IL21R: variants seen among roughly 807,000 people sequenced by gnomAD.
IL21R encodes the protein interleukin 21 receptor, also known as interleukin-21 receptor.
Under a neutral mutation model 41.3 loss-of-function variants are expected in IL21R, and 14 were observed. The ratio of observed to expected loss-of-function variants is 0.34; its 90% CI spans 0.22 to 0.53. The LOEUF (loss-of-function observed/expected upper bound fraction) is 0.53, where lower values mean the gene tolerates loss of function less well. Among genes scored for constraint, IL21R ranks in the 20% least tolerant of loss-of-function variants. The probability of loss-of-function intolerance (pLI) is 0.94; values close to 1 mark genes in which losing one functional copy is unlikely to be tolerated. For synonymous variants in IL21R, 286 were observed against 287.6 expected (o/e 0.99, Z 0.05); for missense variants, 588 against 681.6 (o/e 0.86, Z 1.53).
In IL21R at chr16:27,402,951, C is replaced by T. The variant is rs561381945; in HGVS notation, c.-17+333C>T. ...AACATGTCAATCACCCGATTCTGGG[C>T]GGCTGAGTCGGGAGGTGACGGGCAT... is the stretch of plus-strand genomic sequence containing the variant. On this transcript the variant is annotated intron_variant, in intron 1 of 8. Transcript: ENST00000337929. 227 of 361,904 alleles carry T rather than the reference C, an allele frequency of 6.3e-4. 1 individual carries two copies. The highest frequency in any genetic ancestry group is 4.8e-3 in the South Asian group (220 of 45,836). The allele number at this position is 361,904 out of a possible 1,614,324, so 22.4% of individuals were successfully genotyped here.
At chr16:27,440,805 C>T (rs2087375172) in intron 4 of IL21R, among the ~76,000 whole-genome samples, 1 of 151,970 alleles carries the variant, frequency 6.6e-6, no homozygotes, top group African/African-American at 2.4e-5. Context: ...AGTCCCAGCA[C>T]TTTGGGAGGT....
chr16:27,410,556 A>G (rs1316601900), intron 1 of IL21R, among the ~76,000 whole-genome samples: 4 of 152,154 alleles, frequency 2.6e-5, no homozygotes, highest in Non-Finnish European at 5.9e-5. Flanking sequence ...TCAACTGACC[A>G]CCAGTTGAGG....
chr16:27,436,267 A>G (rs2087268307), intron 3 of IL21R, among the ~76,000 whole-genome samples: 1 of 152,254 alleles, frequency 6.6e-6, no homozygotes, highest in African/African-American at 2.4e-5. Flanking sequence ...TGCTATATCA[A>G]GGACAGAACA....
chr16:27,403,744 G>T (rs754300337), intron 1 of IL21R, among the ~76,000 whole-genome samples: 1 of 152,164 alleles, frequency 6.6e-6, no homozygotes, highest in Non-Finnish European at 1.5e-5. Context: ...CCATGGAGAC[G>T]GGCCCGACTC....
At chr16:27,423,674 C>T (rs1218393159) in intron 1 of IL21R, among the ~76,000 whole-genome samples, 1 of 152,310 alleles carries the variant, frequency 6.6e-6, no homozygotes, top group African/African-American at 2.4e-5. Context: ...TTGTGAGAGT[C>T]ATTCACTTTG....
Position 27,440,030 on chromosome 16 carries a change from C to T in IL21R, c.352+2343C>T, listed in dbSNP as rs77083473. Among the ~76,000 whole-genome samples, 131 of 151,972 alleles carry T rather than the reference C, an allele frequency of 8.6e-4. 1 individual carries two copies. The highest frequency in any genetic ancestry group is 7.5e-3 in the East Asian group (39 of 5,178). On this transcript the variant is annotated intron_variant, in intron 4 of 8. Transcript: ENST00000337929. Reference sequence around the variant, plus strand: ...GGGAAGACAAAAGAGGGGTTAGAAACGATTTCAGTCAAAAACATCCCATTA... The same window carrying T: ...GGGAAGACAAAAGAGGGGTTAGAAATGATTTCAGTCAAAAACATCCCATTA...
At chr16:27,423,232 T>C (rs1463666721) in intron 1 of IL21R, among the ~76,000 whole-genome samples, 1 of 89,224 alleles carries the variant, frequency 1.1e-5, no homozygotes, top group Non-Finnish European at 2.1e-5. Flanking sequence ...TCTTGTGCAG[T>C]TTTTTTTTTT....
At chr16:27,442,040 CATG>C (rs1333909202) in intron 4 of IL21R, among the ~76,000 whole-genome samples, 1 of 152,192 alleles carries the variant, frequency 6.6e-6, no homozygotes, top group African/African-American at 2.4e-5. Flanking sequence ...GGAGATTTCA[CATG>C]ATAATTCCAG....
chr16:27,447,139 C>G (rs901389428), intron 8 of IL21R, among the ~76,000 whole-genome samples: 2 of 152,182 alleles, frequency 1.3e-5, no homozygotes, highest in Non-Finnish European at 2.9e-5. Flanking sequence ...AACATGGACC[C>G]CAACCCACAT....
chr16:27,408,961 G>T (rs1029522202), intron 1 of IL21R, among the ~76,000 whole-genome samples: 8 of 152,022 alleles, frequency 5.3e-5, no homozygotes, highest in African/African-American at 1.9e-4. Flanking sequence ...GAACATGCTG[G>T]TACATGTCTG....
At position 27,448,620 on chromosome 16, in the gene IL21R, C is replaced by T; in HGVS notation, c.954C>T (p.Ser318=). ...TGCCCTCCACCCTGGAGGTGTACAG[C>T]TGCCACCCACCACGGAGCCCGGCCA... ...PEVPSTLEVY[S]CHPPRSPAKR... Residue 318 remains serine (S), a synonymous_variant, in exon 9 of 9, where the codon AGC becomes AGT. Transcript: ENST00000337929. The T allele has an allele frequency of 6.2e-7, 1 of 1,613,118 alleles. No homozygotes were observed. The highest frequency in any genetic ancestry group is 1.1e-5 in the South Asian group (1 of 91,084).
chr16:27,428,539 G>T (rs1428594127), intron 1 of IL21R, among the ~76,000 whole-genome samples: 1 of 152,270 alleles, frequency 6.6e-6, no homozygotes, highest in African/African-American at 2.4e-5. Flanking sequence ...TGGTCTGGGA[G>T]GGGCTCCTGA....
At chr16:27,446,502 C>T (rs1483932077) in intron 8 of IL21R, among the ~76,000 whole-genome samples, 1 of 151,934 alleles carries the variant, frequency 6.6e-6, no homozygotes, top group African/African-American at 2.4e-5. Context: ...ACTCGGGAGG[C>T]TGAGGCAGGA....
intron 4 of IL21R, among the ~76,000 whole-genome samples, chr16:27,439,437 C>T (rs189690841): frequency 0.01 from 1,498 of 149,324 alleles, 30 homozygotes; most frequent in African/African-American, 0.035. Flanking sequence ...CATACATGGG[C>T]ACACACACGC....
At chr16:27,414,955 C>G (rs2086876246) in intron 1 of IL21R, among the ~76,000 whole-genome samples, 1 of 152,076 alleles carries the variant, frequency 6.6e-6, no homozygotes, top group Non-Finnish European at 1.5e-5. Context: ...TGCAAAAAAG[C>G]CCCTATCATT....
chr16:27,403,232 A>C, intron 1 of IL21R: 1 of 1,333,176 alleles, frequency 7.5e-7, no homozygotes, highest in Non-Finnish European at 9.9e-7. Context: ...TAAGAGGCCA[A>C]CCCAGTTCCC....
At position 27,405,652 on chromosome 16, in the gene IL21R, C is replaced by A. The variant is rs911748184; in HGVS notation, c.-17+3034C>A. Among the ~76,000 whole-genome samples the A allele has an allele frequency of 2.6e-5, 4 of 152,226 alleles. No individual in the cohort carries two copies. In the East Asian group the frequency reaches 7.7e-4, roughly 29 times the overall value. Reference sequence around the variant, plus strand: ...CTCCTTCCCTGCCCTCCGGAGCCCCCGGACACGTGAAGGGGAGGGAGAGGG... The same window carrying A: ...CTCCTTCCCTGCCCTCCGGAGCCCCAGGACACGTGAAGGGGAGGGAGAGGG... On this transcript the variant is annotated intron_variant, in intron 1 of 8. Transcript: ENST00000337929.
rs976646636 is a variant in IL21R at position 27,451,669 on chromosome 16, T to C, written c.*2386T>C. On this transcript the variant is annotated 3_prime_UTR_variant, in exon 9 of 9. Transcript: ENST00000337929. ...AGGAATTTGAGGCTGCAGTGAGCTG[T>C]GATTACACCGTTGCACTCCAGCCTG... 4.5e-5 allele frequency: 10 copies of C among 223,614 alleles called. No homozygotes were observed. The Admixed American group carries it at 4.6e-4, about 10-fold the overall frequency. 13.9% of individuals were successfully genotyped at this position (223,614 alleles called of 1,614,324 possible).
rs369434227 is a variant in IL21R at position 27,425,559 on chromosome 16, GT to G, written c.-16-4488del. ...TCTCTCTTTTTTTGTGTTTTGTTTTGTTTTTTTTTGAGACAGAGTGTCTTGC... is the reference window on the plus strand; with the variant it reads ...TCTCTCTTTTTTTGTGTTTTGTTTTGTTTTTTTTGAGACAGAGTGTCTTGC... On this transcript the variant is annotated intron_variant, in intron 1 of 8. Transcript: ENST00000337929. 6.9e-3 allele frequency among the ~76,000 whole-genome samples: 1,030 copies of G among 149,628 alleles called. 16 individuals are homozygous for G. Among genetic ancestry groups the G allele is most frequent in the African/African-American group, 0.024 (990 of 40,616 alleles).
Sources: gnomAD v4.1 joint callset for allele counts (sites outside exome capture counted in the v4.1 genomes callset) on GRCh38, gnomAD v4.1.1 for gene constraint, MANE v1.5 for transcripts, NCBI Gene and HGNC (gene_info 2026-07-23, HGNC 2026-07-21) for gene names.